FMN1: variants seen among roughly 807,000 people sequenced by gnomAD.
FMN1 encodes formin 1.
Under a neutral mutation model 132.4 loss-of-function variants are expected in FMN1, and 110 were observed. The observed-to-expected ratio is 0.83, with a 90% confidence interval of 0.71 to 0.97. The LOEUF (loss-of-function observed/expected upper bound fraction) is 0.97. Among genes scored for constraint, FMN1 ranks in the 50% least tolerant of loss-of-function variants. The probability of loss-of-function intolerance (pLI) is 0.00; values close to 1 mark genes in which losing one functional copy is unlikely to be tolerated. For missense variants in FMN1, 1,792 were observed against 1,705.3 expected, an observed-to-expected ratio of 1.05 and a Z score of -0.90; for synonymous variants, 722 against 651.7, an observed-to-expected ratio of 1.11 and a Z score of -1.64.
intron 19 of FMN1, among the ~76,000 whole-genome samples, chr15:32,783,283 CTT>C (rs1350307299): frequency 6.6e-6 from 1 of 152,030 alleles, no homozygotes; most frequent in Non-Finnish European, 1.5e-5. Flanking sequence ...TTTTTGAAAA[CTT>C]TATCTTTTCC....
intron 17 of FMN1, among the ~76,000 whole-genome samples, chr15:32,825,740 C>T (rs1330518724): frequency 3.9e-5 from 6 of 152,220 alleles, no homozygotes; most frequent in Non-Finnish European, 8.8e-5. Flanking sequence ...CTCTATTACC[C>T]TTTTCATTGC....
chr15:32,805,898 T>C (rs1486415370), intron 17 of FMN1, among the ~76,000 whole-genome samples: 1 of 152,194 alleles, frequency 6.6e-6, no homozygotes, highest in East Asian at 1.9e-4. Context: ...AGAAAATCAG[T>C]GATACTAAGA....
intron 17 of FMN1, among the ~76,000 whole-genome samples, chr15:32,832,537 T>C (rs2058526325): frequency 1.3e-5 from 2 of 152,092 alleles, no homozygotes; most frequent in South Asian, 2.1e-4. Flanking sequence ...CCCAGCACTT[T>C]GGGAGGCCGA....
intron 15 of FMN1, among the ~76,000 whole-genome samples, chr15:32,894,184 G>A (rs959154103): frequency 1.3e-5 from 2 of 152,012 alleles, no homozygotes; most frequent in Admixed American, 1.3e-4. Flanking sequence ...TGTATTACAG[G>A]CAGTAAAAAA....
At position 32,842,205 on chromosome 15, in the gene FMN1, T is replaced by C. The variant is rs932069153; in HGVS notation, c.3928+14810A>G. 2.0e-4 allele frequency among the ~76,000 whole-genome samples: 30 copies of C among 152,204 alleles called. 1 individual carries two copies. The highest frequency in any genetic ancestry group is 2.0e-3 in the Admixed American group (30 of 15,282). ...GCTCAGGAAAAAGCCAGTAACTATG[T>C]AAGAAGGCTAACTACTGCGAGACCA... On this transcript the variant is annotated intron_variant, in intron 17 of 20. Transcript: ENST00000616417.
At chr15:33,048,631 C>CAAAAAAAAAAAAAAAAAAAAAA (rs768997793) in intron 6 of FMN1, among the ~76,000 whole-genome samples, 3 of 43,434 alleles carry the variant, frequency 6.9e-5, no homozygotes, top group African/African-American at 1.5e-4. Context: ...GGCAATTTAC[C>CAAAAAAAAAAAAAAAAAAAAAA]AAAAAAAAAA....
chr15:33,172,962 A>G lies in FMN1; in HGVS notation c.-132+7236T>C, dbSNP rs142284407. Among the ~76,000 whole-genome samples, 454 of 152,342 alleles carry G rather than the reference A, an allele frequency of 3.0e-3. 2 individuals carry two copies. Among genetic ancestry groups the G allele is most frequent in the African/African-American group, 0.011 (438 of 41,582 alleles). On this transcript the variant is annotated intron_variant, in intron 3 of 20. Coordinates refer to ENST00000616417, the MANE Select transcript of FMN1 (RefSeq NM_001277313.2). ...AGTGAGAGGGAGGCAACTGTTAGAA[A>G]GCATGCAGTAAGCACAAGATTGATC...
intron 15 of FMN1, among the ~76,000 whole-genome samples, chr15:32,897,962 A>C (rs2060200174): frequency 6.6e-6 from 1 of 152,226 alleles, no homozygotes; most frequent in Non-Finnish European, 1.5e-5. Flanking sequence ...TTCTTAACAG[A>C]AATCAGGGAA....
chr15:32,997,280 T>C (rs1435521004), intron 7 of FMN1, among the ~76,000 whole-genome samples: 1 of 152,040 alleles, frequency 6.6e-6, no homozygotes, highest in Non-Finnish European at 1.5e-5. Flanking sequence ...AAGAACTCTA[T>C]TGTTTATTTT....
At position 32,904,625 on chromosome 15, in the gene FMN1, G is replaced by A. The variant is rs555159055; in HGVS notation, c.3378-2585C>T. ...AAGACCCAGAGCAACCTACTCCTAA[G>A]AGATGTTGTGAAGAGTCCAGGATGA... On this transcript the variant is annotated intron_variant, in intron 12 of 20. Transcript: ENST00000616417. Among the ~76,000 whole-genome samples the A allele has an allele frequency of 1.5e-4, 23 of 152,312 alleles. 1 individual carries two copies. The South Asian group carries it at 2.9e-3, about 19-fold the overall frequency.
chr15:32,976,976 C>A (rs1384330696), intron 7 of FMN1, among the ~76,000 whole-genome samples: 2 of 152,198 alleles, frequency 1.3e-5, no homozygotes. Flanking sequence ...TAAGATCCCA[C>A]AGCTGAAAAA....
intron 3 of FMN1, among the ~76,000 whole-genome samples, chr15:33,175,023 G>A (rs1452262775): frequency 6.7e-6 from 1 of 150,324 alleles, no homozygotes; most frequent in African/African-American, 2.4e-5. Flanking sequence ...CCTTTCAGAG[G>A]AGGAAACGAT....
chr15:32,835,834 AC>A (rs2058610451), intron 17 of FMN1, among the ~76,000 whole-genome samples: 1 of 152,106 alleles, frequency 6.6e-6, no homozygotes, highest in African/African-American at 2.4e-5. Flanking sequence ...TATCTTTCAC[AC>A]TGTTCTTCTT....
rs566860613 is a variant in FMN1 at position 32,848,002 on chromosome 15, G to A, written c.3928+9013C>T. Among the ~76,000 whole-genome samples the A allele has an allele frequency of 7.2e-5, 11 of 152,168 alleles. No homozygotes were observed. In the South Asian group the frequency reaches 8.3e-4, roughly 11 times the overall value. On this transcript the variant is annotated intron_variant, in intron 17 of 20. Coordinates refer to ENST00000616417, the MANE Select transcript of FMN1 (RefSeq NM_001277313.2). Reference sequence around the variant, plus strand: ...TTAGGTTTAAAGGATGGTCTGTGTCGGGGTAATCTGAGAGAAGATCTTTAC... The same window carrying A: ...TTAGGTTTAAAGGATGGTCTGTGTCAGGGTAATCTGAGAGAAGATCTTTAC...
chr15:32,977,164 A>G (rs865978313), intron 7 of FMN1, among the ~76,000 whole-genome samples: 19 of 152,324 alleles, frequency 1.2e-4, no homozygotes, highest in Middle Eastern at 3.4e-3. Flanking sequence ...AATGCATATA[A>G]TTATAACAAC....
intron 17 of FMN1, among the ~76,000 whole-genome samples, chr15:32,843,138 A>G (rs867679769): frequency 1.9e-4 from 28 of 149,412 alleles, no homozygotes; most frequent in Middle Eastern, 7.0e-3. Context: ...AAAAAGAGAA[A>G]AAAAAAAAAA....
intron 8 of FMN1, among the ~76,000 whole-genome samples, chr15:32,965,414 TAATA>T (rs1186286067): frequency 6.6e-6 from 1 of 152,038 alleles, no homozygotes; most frequent in African/African-American, 2.4e-5. Flanking sequence ...ATAATAATAA[TAATA>T]AATACTATCA....
intron 16 of FMN1, among the ~76,000 whole-genome samples, chr15:32,867,684 G>A (rs998002911): frequency 2.0e-5 from 3 of 152,094 alleles, no homozygotes; most frequent in African/African-American, 7.2e-5. Flanking sequence ...GTAGAGACGG[G>A]GTTTCACCAT....
intron 5 of FMN1, chr15:33,066,877 C>T (rs1406617760): frequency 6.2e-7 from 1 of 1,613,816 alleles, no homozygotes; most frequent in Non-Finnish European, 8.5e-7. Context: ...TGGGAGTGGC[C>T]TTCGGATCAG....
Sources: allele counts gnomAD v4.1 joint callset (sites outside exome capture counted in the v4.1 genomes callset), GRCh38; gene constraint gnomAD v4.1.1; transcripts MANE v1.5; gene names NCBI Gene and HGNC (gene_info 2026-07-23, HGNC 2026-07-21).